EPB41L2: variants seen among roughly 807,000 people sequenced by gnomAD.
EPB41L2 encodes the protein band 4.1-like protein 2.
Under a neutral mutation model 113.0 loss-of-function variants are expected in EPB41L2, and 43 were observed. That is an observed-to-expected ratio of 0.38 (90% CI 0.30 to 0.49). EPB41L2 has a LOEUF of 0.49. EPB41L2 is among the 20% of genes least tolerant of loss of function. The probability of loss-of-function intolerance (pLI) is 0.95; values close to 1 mark genes in which losing one functional copy is unlikely to be tolerated. For missense variants in EPB41L2, 1,147 were observed against 1,223.4 expected (o/e 0.94, Z 0.93); for synonymous variants, 442 against 436.7 (o/e 1.01, Z -0.15).
chr6:131,010,119 C>G (rs542795856), intron 1 of EPB41L2, among the ~76,000 whole-genome samples: 160 of 152,274 alleles, frequency 1.1e-3, no homozygotes, highest in African/African-American at 3.8e-3. Flanking sequence ...TCAACAAAAA[C>G]AAAACATTTA....
At chr6:130,876,847 A>C in intron 14 of EPB41L2, 1 of 963,070 alleles carries the variant, frequency 1.0e-6, no homozygotes, top group Non-Finnish European at 1.4e-6. Context: ...CACAAACACA[A>C]AATACTGACC....
intron 1 of EPB41L2, among the ~76,000 whole-genome samples, chr6:131,013,208 A>C (rs1184670008): frequency 6.7e-6 from 1 of 149,172 alleles, no homozygotes; most frequent in East Asian, 2.0e-4. Context: ...AGGAACTAAG[A>C]AGAAAACACA....
At chr6:131,026,004 C>T (rs900688961) in intron 1 of EPB41L2, among the ~76,000 whole-genome samples, 2 of 152,132 alleles carry the variant, frequency 1.3e-5, no homozygotes, top group East Asian at 3.8e-4. Flanking sequence ...GTCACTGAGG[C>T]TAAAGATACT....
At chr6:130,892,402 G>GATTTTTTTTTTTT (rs1793188588) in intron 10 of EPB41L2, among the ~76,000 whole-genome samples, 1 of 53,380 alleles carries the variant, frequency 1.9e-5, no homozygotes, top group Non-Finnish European at 4.5e-5. Flanking sequence ...ACAGATTATT[G>GATTTTTTTTTTTT]CTTTTTTTTT....
intron 1 of EPB41L2, among the ~76,000 whole-genome samples, chr6:131,052,881 A>T (rs1369237665): frequency 1.3e-5 from 2 of 151,906 alleles, no homozygotes; most frequent in Non-Finnish European, 2.9e-5. Context: ...AATTTGAACA[A>T]CTATCTACAC....
rs1427119474 is a variant in EPB41L2 at position 130,979,489 on chromosome 6, T to C, written c.-14-22990A>G. Among the ~76,000 whole-genome samples the C allele has an allele frequency of 4.9e-4, 52 of 105,518 alleles. 1 individual carries two copies. The highest frequency in any genetic ancestry group is 1.6e-3 in the African/African-American group (43 of 26,332). The allele number at this position is 105,518 out of a possible 152,430, so 69.2% of individuals were successfully genotyped here. On this transcript the variant is annotated intron_variant, in intron 1 of 19. Coordinates refer to ENST00000337057, the MANE Select transcript of EPB41L2 (RefSeq NM_001431.4). Reference sequence around the variant, plus strand: ...CAGCCTGGATGATGGAGCGAGACTCTGTCAAAAAAAAAAAAAAAAAAAAAG... The same window carrying C: ...CAGCCTGGATGATGGAGCGAGACTCCGTCAAAAAAAAAAAAAAAAAAAAAG...
intron 3 of EPB41L2, among the ~76,000 whole-genome samples, chr6:130,931,982 A>C (rs950524073): frequency 6.6e-6 from 1 of 152,154 alleles, no homozygotes. Flanking sequence ...CCACCTTATA[A>C]TGGTGATGAG....
intron 1 of EPB41L2, among the ~76,000 whole-genome samples, chr6:131,004,170 C>G (rs1158606675): frequency 6.6e-6 from 1 of 152,082 alleles, no homozygotes; most frequent in Non-Finnish European, 1.5e-5. Flanking sequence ...ATTCCAAAAG[C>G]CTGATTTTGA....
At chr6:130,913,690 T>C (rs1453714845) in intron 4 of EPB41L2, among the ~76,000 whole-genome samples, 1 of 152,004 alleles carries the variant, frequency 6.6e-6, no homozygotes, top group Non-Finnish European at 1.5e-5. Flanking sequence ...GTAAGTGGGG[T>C]ATAGCATCAT....
chr6:130,924,164 C>T (rs543777364), intron 4 of EPB41L2, among the ~76,000 whole-genome samples: 1 of 152,312 alleles, frequency 6.6e-6, no homozygotes, highest in East Asian at 1.9e-4. Context: ...TTCCTTCTTT[C>T]TCAAGGCTGA....
chr6:131,015,819 T>C (rs1043622274), intron 1 of EPB41L2: 2 of 152,172 alleles, frequency 1.3e-5, no homozygotes, highest in Non-Finnish European at 2.9e-5. Flanking sequence ...ATGTACTTAC[T>C]GCCAAATAGG....
intron 4 of EPB41L2, among the ~76,000 whole-genome samples, chr6:130,916,599 G>A (rs1293096170): frequency 6.6e-6 from 1 of 152,084 alleles, no homozygotes; most frequent in Non-Finnish European, 1.5e-5. Flanking sequence ...GAACCACATG[G>A]GCCCACTAGG....
intron 1 of EPB41L2, among the ~76,000 whole-genome samples, chr6:131,057,949 T>C (rs1372883612): frequency 6.6e-6 from 1 of 152,238 alleles, no homozygotes; most frequent in African/African-American, 2.4e-5. Context: ...AACTTAGTTA[T>C]CTATGCAAAA....
intron 1 of EPB41L2, among the ~76,000 whole-genome samples, chr6:131,057,108 CT>C (rs1423168553): frequency 6.6e-6 from 1 of 152,160 alleles, no homozygotes; most frequent in Non-Finnish European, 1.5e-5. Context: ...AAACTTCCAT[CT>C]TCTAATCTCG....
chr6:130,886,805 T>C (rs1791153685), intron 11 of EPB41L2, among the ~76,000 whole-genome samples: 1 of 152,090 alleles, frequency 6.6e-6, no homozygotes, highest in Non-Finnish European at 1.5e-5. Flanking sequence ...GGCTAATTCT[T>C]TGTATTTTTA....
At chr6:130,854,297 C>G (rs1045126558) in intron 19 of EPB41L2, among the ~76,000 whole-genome samples, 2 of 137,828 alleles carry the variant, frequency 1.5e-5, no homozygotes, top group African/African-American at 4.9e-5. Context: ...ATACCCAGCC[C>G]TACCCTAGCA....
At chr6:131,059,116 T>TC (rs55892206) in intron 1 of EPB41L2, among the ~76,000 whole-genome samples, 24 of 137,392 alleles carry the variant, frequency 1.7e-4, no homozygotes, top group Non-Finnish European at 2.7e-4. Flanking sequence ...ACCTATAACT[T>TC]TTTTTTTTTT....
intron 12 of EPB41L2, chr6:130,883,145 GAAGGTGGGCACATGGAA>G (rs1450626736): frequency 6.6e-6 from 1 of 152,668 alleles, no homozygotes; most frequent in African/African-American, 2.4e-5. Context: ...GATGAGAGGT[GAAGGTGGGCACATGGAA>G]ACAGTCTATT....
At chr6:130,906,802 C>T (rs1164141800) in intron 5 of EPB41L2, among the ~76,000 whole-genome samples, 3 of 152,066 alleles carry the variant, frequency 2.0e-5, no homozygotes, top group African/African-American at 7.2e-5. Context: ...CATTTTAATA[C>T]AGAAAGAAAG....
Sources: allele counts gnomAD v4.1 joint callset (sites outside exome capture counted in the v4.1 genomes callset), GRCh38; gene constraint gnomAD v4.1.1; transcripts MANE v1.5; gene names NCBI Gene and HGNC (gene_info 2026-07-23, HGNC 2026-07-21).